Variants in PTGFR observed in about 807,000 individuals in gnomAD.
PTGFR encodes the protein prostaglandin F receptor, also known as prostaglandin F2-alpha receptor.
In PTGFR, 15 loss-of-function variants were observed where a neutral mutation model predicts 26.2. That is an observed-to-expected ratio of 0.57 (90% CI 0.38 to 0.88). The LOEUF (loss-of-function observed/expected upper bound fraction) is 0.88, where lower values mean the gene tolerates loss of function less well. Among genes scored for constraint, PTGFR ranks in the 40% least tolerant of loss-of-function variants. PTGFR has a pLI of 0.00. For synonymous variants in PTGFR, 165 were observed against 151.1 expected (o/e 1.09, Z -0.68); for missense variants, 369 against 427.2 (o/e 0.86, Z 1.20).
chr1:78,512,572 C>T (rs1254246739), intron 2 of PTGFR, among the ~76,000 whole-genome samples: 1 of 152,182 alleles, frequency 6.6e-6, no homozygotes, highest in Non-Finnish European at 1.5e-5. Flanking sequence ...TGCATGAACT[C>T]AGAGGGATAA....
At chr1:78,510,549 A>T (rs1649939711) in intron 2 of PTGFR, among the ~76,000 whole-genome samples, 2 of 152,152 alleles carry the variant, frequency 1.3e-5, no homozygotes, top group Admixed American at 1.3e-4. Flanking sequence ...TCCCAGGATG[A>T]ATTCACCTCC....
At chr1:78,529,946 A>G (rs141266001) in intron 2 of PTGFR, among the ~76,000 whole-genome samples, 1,735 of 152,234 alleles carry the variant, frequency 0.011, 33 homozygotes, top group African/African-American at 0.038. Flanking sequence ...ATGCGTGATG[A>G]TCTGAGGTGG....
rs1003501289 is a variant in PTGFR, at chr1:78,539,830, A to T, written c.*3143A>T. ...AAACTCCCGTTTTATCTGCTACTGG[A>T]TGAGAAGAATTTCAACTTAATTTCC... On this transcript the variant is annotated 3_prime_UTR_variant, in exon 3 of 3. Transcript: ENST00000370757. The T allele has an allele frequency of 1.3e-5, 2 of 152,248 alleles. No homozygotes were observed. Among genetic ancestry groups the T allele is most frequent in the African/African-American group, 4.8e-5 (2 of 41,418 alleles). 9.4% of individuals were successfully genotyped at this position (152,248 alleles called of 1,614,324 possible). A position where few individuals can be genotyped will look rare whatever the true frequency, so the allele number is the denominator to read the frequency against.
chr1:78,509,908 C>T (rs1016905788), intron 2 of PTGFR, among the ~76,000 whole-genome samples: 3 of 152,216 alleles, frequency 2.0e-5, no homozygotes, highest in African/African-American at 7.2e-5. Context: ...AAACACCTCC[C>T]TCAGGTATGA....
At chr1:78,498,033 C>T in intron 2 of PTGFR, 1 of 996,698 alleles carries the variant, frequency 1.0e-6, no homozygotes, top group South Asian at 1.5e-5. Context: ...TATTTCTAGT[C>T]AACATAGTTA....
intron 2 of PTGFR, among the ~76,000 whole-genome samples, chr1:78,495,037 T>TA (rs1230149175): frequency 6.6e-6 from 1 of 152,248 alleles, no homozygotes; most frequent in African/African-American, 2.4e-5. Flanking sequence ...TCTAATATTT[T>TA]AAAAATTTCT....
chr1:78,517,254 T>C (rs1650110870), intron 2 of PTGFR, among the ~76,000 whole-genome samples: 1 of 152,154 alleles, frequency 6.6e-6, no homozygotes, highest in Admixed American at 6.6e-5. Context: ...TTTCCATGTG[T>C]AAGATACTGT....
intron 2 of PTGFR, among the ~76,000 whole-genome samples, chr1:78,530,018 C>T (rs1291480283): frequency 2.0e-5 from 3 of 152,096 alleles, no homozygotes; most frequent in African/African-American, 4.8e-5. Flanking sequence ...TGAAACTGGT[C>T]TCTGGTGCCA....
chr1:78,522,467 A>G (rs1287410879), intron 2 of PTGFR, among the ~76,000 whole-genome samples: 1 of 152,106 alleles, frequency 6.6e-6, no homozygotes, highest in African/African-American at 2.4e-5. Flanking sequence ...GCCTAACACA[A>G]GTACATACCC....
rs995467307 is a variant in PTGFR, at chr1:78,538,871, A to G, written c.*2184A>G. 6 of 152,070 alleles carry G rather than the reference A, an allele frequency of 3.9e-5. No homozygotes were observed. The highest frequency in any genetic ancestry group is 5.9e-5 in the Non-Finnish European group (4 of 67,970). 9.4% of individuals were successfully genotyped at this position (152,070 alleles called of 1,614,324 possible). A position where few individuals can be genotyped will look rare whatever the true frequency, so the allele number is the denominator to read the frequency against. ...CATAACTAATCTTCAGAATTACTGA[A>G]TTTCCTTTTGAACTGGGTAAGGCAT... On this transcript the variant is annotated 3_prime_UTR_variant, in exon 3 of 3. Coordinates refer to ENST00000370757, the MANE Select transcript of PTGFR (RefSeq NM_000959.4).
At chr1:78,536,279 A>C in intron 2 of PTGFR, 127 bp from the exon 3 acceptor site, 2 of 868,592 alleles carry the variant, frequency 2.3e-6, no homozygotes, top group Non-Finnish European at 3.5e-6. Flanking sequence ...TCTTTCTGTC[A>C]GTATTTTAAA....
intron 2 of PTGFR, among the ~76,000 whole-genome samples, chr1:78,526,376 C>G (rs3766344): frequency 0.24 from 35,856 of 151,884 alleles, 4,443 homozygotes; most frequent in South Asian, 0.35. Context: ...TTCTAGTGCT[C>G]TTGCCTTTTG....
chr1:78,495,550 G>A (rs542063574), intron 2 of PTGFR, among the ~76,000 whole-genome samples: 12 of 152,200 alleles, frequency 7.9e-5, no homozygotes, highest in Non-Finnish European at 1.3e-4. Context: ...TGTGTCTCTG[G>A]AGAATACCTC....
intron 2 of PTGFR, among the ~76,000 whole-genome samples, chr1:78,498,340 A>G (rs1435608081): frequency 2.0e-5 from 3 of 152,200 alleles, no homozygotes; most frequent in Admixed American, 2.0e-4. Flanking sequence ...ATATGTTTAT[A>G]TATTTTAAGT....
At chr1:78,513,944 G>C (rs972238471) in intron 2 of PTGFR, among the ~76,000 whole-genome samples, 3 of 152,264 alleles carry the variant, frequency 2.0e-5, no homozygotes, top group Non-Finnish European at 1.5e-5. Flanking sequence ...TAGGCACACA[G>C]AATGCAAAAG....
chr1:78,519,988 C>T (rs942684048), intron 2 of PTGFR, among the ~76,000 whole-genome samples: 1 of 152,014 alleles, frequency 6.6e-6, no homozygotes, highest in African/African-American at 2.4e-5. Context: ...ACACTGATTT[C>T]TTTTCCATAA....
At chr1:78,516,815 CA>C (rs1181258020) in intron 2 of PTGFR, among the ~76,000 whole-genome samples, 3 of 151,926 alleles carry the variant, frequency 2.0e-5, no homozygotes, top group Admixed American at 1.3e-4. Context: ...AAACCATATC[CA>C]GGGGAGAGAG....
intron 2 of PTGFR, among the ~76,000 whole-genome samples, chr1:78,497,583 G>C (rs936382213): frequency 6.6e-6 from 1 of 152,114 alleles, no homozygotes; most frequent in Admixed American, 6.6e-5. Context: ...TCTAGAATAT[G>C]CAAGCCTAAA....
chr1:78,522,572 T>G (rs1213563951), intron 2 of PTGFR, among the ~76,000 whole-genome samples: 1 of 152,126 alleles, frequency 6.6e-6, no homozygotes, highest in Non-Finnish European at 1.5e-5. Context: ...ATCGAGCTTG[T>G]CCAACCAGAC....
Sources: gnomAD v4.1 joint callset for allele counts (sites outside exome capture counted in the v4.1 genomes callset) on GRCh38, gnomAD v4.1.1 for gene constraint, MANE v1.5 for transcripts, NCBI Gene and HGNC (gene_info 2026-07-23, HGNC 2026-07-21) for gene names.